Variants in GULP1 observed in about 807,000 individuals in gnomAD.
GULP1 encodes PTB domain-containing engulfment adapter protein 1.
In GULP1, 19 loss-of-function variants were observed where a neutral mutation model predicts 40.9. The ratio of observed to expected loss-of-function variants is 0.46; its 90% CI spans 0.32 to 0.68. The LOEUF (loss-of-function observed/expected upper bound fraction) is 0.68, where lower values mean the gene tolerates loss of function less well. Ranked by LOEUF, GULP1 falls within the 30% of genes least tolerant of loss-of-function variation. GULP1 has a pLI of 0.03. For synonymous variants in GULP1, 119 were observed against 117.6 expected (o/e 1.01, Z -0.08); for missense variants, 312 against 362.2 (o/e 0.86, Z 1.12).
chr2:188,479,037 T>G (rs2061248934), intron 3 of GULP1, among the ~76,000 whole-genome samples: 1 of 152,132 alleles, frequency 6.6e-6, no homozygotes, highest in East Asian at 1.9e-4. Context: ...CATTTAGCCA[T>G]GGGGTTGAGT....
rs1308997285 is a variant in GULP1 at position 188,529,141 on chromosome 2, A to C, written c.207A>C (p.Lys69Asn). The change falls in exon 6 of 12, where the codon AAA becomes AAC. Residue 69 changes from lysine to asparagine, a missense_variant. Transcript: ENST00000409830. ...IKKSEGQKIP[K>N]VELQISIYGV... ...AATCTGAAGGCCAGAAAATTCCTAAAGTGGAGTTGCAAATATCAATTTATG... is the reference window on the plus strand; with the variant it reads ...AATCTGAAGGCCAGAAAATTCCTAACGTGGAGTTGCAAATATCAATTTATG... 2 of 1,590,466 alleles carry C rather than the reference A, an allele frequency of 1.3e-6. No homozygotes were observed. The highest frequency in any genetic ancestry group is 1.7e-6 in the Non-Finnish European group (2 of 1,164,472).
At chr2:188,498,616 A>G (rs909018241) in intron 4 of GULP1, among the ~76,000 whole-genome samples, 3 of 151,840 alleles carry the variant, frequency 2.0e-5, no homozygotes, top group East Asian at 1.9e-4. Flanking sequence ...ACTATCCTCA[A>G]AGGAAAAGAT....
chr2:188,522,344 T>C (rs368743234), intron 4 of GULP1, among the ~76,000 whole-genome samples: 1 of 152,030 alleles, frequency 6.6e-6, no homozygotes, highest in African/African-American at 2.4e-5. Context: ...TTGTAAACTT[T>C]GAAATTTACT....
chr2:188,569,984 GA>G (rs758131087), intron 8 of GULP1, 43 bp from the exon 9 acceptor site: 662 of 666,870 alleles, frequency 9.9e-4, no homozygotes, highest in East Asian at 8.6e-3. Flanking sequence ...TATTTTCCAA[GA>G]AAAAAAAAAC....
chr2:188,447,472 T>A (rs894180699), intron 2 of GULP1, among the ~76,000 whole-genome samples: 1 of 152,184 alleles, frequency 6.6e-6, no homozygotes, highest in Non-Finnish European at 1.5e-5. Flanking sequence ...CAGAAGGCAT[T>A]GCTTCATGAT....
rs60944877 is a variant in GULP1, at chr2:188,466,444, ATT to A, written c.-44-11196_-44-11195del. Reference sequence around the variant, plus strand: ...AGGCACCTGCCACCATGCCCAGCTAATTTTTTTTTTTTTTTTTTTTGTATTTT... The same window carrying A: ...AGGCACCTGCCACCATGCCCAGCTAATTTTTTTTTTTTTTTTTTGTATTTT... On this transcript the variant is annotated intron_variant, in intron 2 of 11. Coordinates refer to ENST00000409830, the MANE Select transcript of GULP1 (RefSeq NM_016315.4). The A allele has an allele frequency of 6.7e-3, 796 of 118,168 alleles. 1 individual carries two copies. The highest frequency in any genetic ancestry group is 0.013 in the East Asian group (51 of 3,806). 7.3% of individuals were successfully genotyped at this position (118,168 alleles called of 1,614,324 possible).
chr2:188,303,969 C>T (rs2036597052), intron 1 of GULP1, among the ~76,000 whole-genome samples: 1 of 152,050 alleles, frequency 6.6e-6, no homozygotes, highest in Non-Finnish European at 1.5e-5. Flanking sequence ...GTCCTGGGGC[C>T]CCCCTCTGCC....
At chr2:188,581,681 A>G (rs1701355362) in intron 9 of GULP1, among the ~76,000 whole-genome samples, 1 of 152,112 alleles carries the variant, frequency 6.6e-6, no homozygotes, top group South Asian at 2.1e-4. Context: ...ACCTCTTCCC[A>G]TCACCCAAAA....
At chr2:188,566,696 T>C (rs1697767748) in intron 7 of GULP1, among the ~76,000 whole-genome samples, 1 of 145,704 alleles carries the variant, frequency 6.9e-6, no homozygotes, top group African/African-American at 2.6e-5. Flanking sequence ...CTCAGGAAGC[T>C]GAGACAGGAG....
chr2:188,554,136 A>G (rs942507922), intron 7 of GULP1, among the ~76,000 whole-genome samples: 18 of 151,680 alleles, frequency 1.2e-4, no homozygotes, highest in Non-Finnish European at 2.2e-4. Flanking sequence ...TTTAGTCTCT[A>G]TTTCATTTAG....
intron 2 of GULP1, among the ~76,000 whole-genome samples, chr2:188,394,589 G>A (rs935123567): frequency 6.6e-6 from 1 of 152,032 alleles, no homozygotes; most frequent in Non-Finnish European, 1.5e-5. Context: ...ATAGTTGGGG[G>A]TATTATAGAA....
At chr2:188,418,193 A>G (rs2054851004) in intron 2 of GULP1, among the ~76,000 whole-genome samples, 1 of 152,170 alleles carries the variant, frequency 6.6e-6, no homozygotes. Flanking sequence ...AATTTAGTAG[A>G]GAAACACATT....
rs373010208 is a variant in GULP1, at chr2:188,411,209, T to C, written c.-45+27320T>C. On this transcript the variant is annotated intron_variant, in intron 2 of 11. Coordinates refer to ENST00000409830, the MANE Select transcript of GULP1 (RefSeq NM_016315.4). The stretch of plus-strand genomic sequence containing the variant: ...CAGCCAGACTGACAAGCAAAATATC[T>C]GTGTCAGCGTATGTTATTCATCCAT... 9.9e-5 allele frequency among the ~76,000 whole-genome samples: 15 copies of C among 152,278 alleles called. No homozygotes were observed. In the East Asian group the frequency reaches 2.1e-3, roughly 22 times the overall value.
At chr2:188,577,743 A>C (rs1700434411) in intron 9 of GULP1, among the ~76,000 whole-genome samples, 1 of 152,066 alleles carries the variant, frequency 6.6e-6, no homozygotes, top group South Asian at 2.1e-4. Flanking sequence ...CAGACCTAGA[A>C]ATCTGAAAAA....
intron 2 of GULP1, among the ~76,000 whole-genome samples, chr2:188,414,241 A>T (rs2054290146): frequency 6.6e-6 from 1 of 151,706 alleles, no homozygotes; most frequent in South Asian, 2.1e-4. Context: ...AAAAAAGAAA[A>T]AGAAGAGAAA....
intron 4 of GULP1, among the ~76,000 whole-genome samples, chr2:188,512,060 G>A (rs2064624473): frequency 6.6e-6 from 1 of 151,968 alleles, no homozygotes; most frequent in Non-Finnish European, 1.5e-5. Flanking sequence ...CTTGGCAATG[G>A]GACCATAGGA....
intron 10 of GULP1, among the ~76,000 whole-genome samples, chr2:188,585,736 G>A (rs1559408552): frequency 6.6e-6 from 1 of 152,126 alleles, no homozygotes; most frequent in Non-Finnish European, 1.5e-5. Flanking sequence ...TTTCCTCTTA[G>A]GCCTCTGGAC....
intron 2 of GULP1, among the ~76,000 whole-genome samples, chr2:188,443,545 G>C (rs2058116924): frequency 6.6e-6 from 1 of 151,996 alleles, no homozygotes; most frequent in African/African-American, 2.4e-5. Context: ...AAGTTAAAAT[G>C]GAGTTTCACT....
At chr2:188,510,120 C>T (rs528089799) in intron 4 of GULP1, among the ~76,000 whole-genome samples, 45 of 152,098 alleles carry the variant, frequency 3.0e-4, no homozygotes, top group African/African-American at 1.1e-3. Context: ...AAATTTATCT[C>T]AAGAGAGCTC....
Sources: gnomAD v4.1 joint callset for allele counts (sites outside exome capture counted in the v4.1 genomes callset) on GRCh38, gnomAD v4.1.1 for gene constraint, MANE v1.5 for transcripts, NCBI Gene and HGNC (gene_info 2026-07-23, HGNC 2026-07-21) for gene names.